PCA3: variants seen among roughly 807,000 people sequenced by gnomAD.
The protein encoded by PCA3 is prostate cancer associated 3, also known as Differential Display code 3.
chr9:76,770,787 T>C (rs1031196955), intron 2 of PCA3, among the ~76,000 whole-genome samples: 2 of 152,194 alleles, frequency 1.3e-5, no homozygotes, highest in Admixed American at 1.3e-4. Context: ...TCATTCCAAA[T>C]AGCAAAGGGA....
At chr9:76,764,791 C>A (rs1264869165) in intron 2 of PCA3, among the ~76,000 whole-genome samples, 4 of 152,134 alleles carry the variant, frequency 2.6e-5, no homozygotes, top group African/African-American at 7.2e-5. Context: ...TTGGAGTGAA[C>A]AAGCTATTTG....
At chr9:76,780,081 G>T (rs918696750) in intron 2 of PCA3, among the ~76,000 whole-genome samples, 2 of 152,108 alleles carry the variant, frequency 1.3e-5, no homozygotes, top group African/African-American at 2.4e-5. Context: ...TGTCTTTGTT[G>T]CCTTTTAATT....
At chr9:76,782,139 G>A (rs369636810) in intron 2 of PCA3, among the ~76,000 whole-genome samples, 1 of 152,110 alleles carries the variant, frequency 6.6e-6, no homozygotes, top group Non-Finnish European at 1.5e-5. Flanking sequence ...GCATGAACCC[G>A]GGAGGTGGAG....
At chr9:76,781,105 A>G (rs1246147364) in intron 2 of PCA3, among the ~76,000 whole-genome samples, 3 of 152,212 alleles carry the variant, frequency 2.0e-5, no homozygotes, top group Non-Finnish European at 2.9e-5. Flanking sequence ...TTTTTCTACT[A>G]CATTTTGACT....
At chr9:76,774,607 T>C (rs917241920) in intron 2 of PCA3, among the ~76,000 whole-genome samples, 2 of 151,864 alleles carry the variant, frequency 1.3e-5, no homozygotes, top group Non-Finnish European at 2.9e-5. Flanking sequence ...TACAGGTGTA[T>C]GTCATCATGC....
intron 2 of PCA3, among the ~76,000 whole-genome samples, chr9:76,771,056 A>C (rs1263811528): frequency 6.6e-6 from 1 of 152,176 alleles, no homozygotes; most frequent in East Asian, 1.9e-4. Context: ...AGAAATCGAC[A>C]AAAAATTATC....
intron 2 of PCA3, among the ~76,000 whole-genome samples, chr9:76,774,227 C>G (rs957678437): frequency 6.6e-6 from 1 of 151,960 alleles, no homozygotes; most frequent in African/African-American, 2.4e-5. Context: ...CCTCAACCTC[C>G]TAGGCTCAAG....
At chr9:76,776,494 ATTTTCTTTTTTTTTTTCTTTTTTC>A (rs2053762893) in intron 2 of PCA3, among the ~76,000 whole-genome samples, 1 of 129,588 alleles carries the variant, frequency 7.7e-6, no homozygotes, top group Non-Finnish European at 1.7e-5. Context: ...TTTACACCAC[ATTTTCTTTTTTTTTTTCTTTTTTC>A]TTTTTTTTTT....
intron 2 of PCA3, among the ~76,000 whole-genome samples, chr9:76,781,695 T>G (rs955252440): frequency 4.6e-5 from 7 of 152,244 alleles, no homozygotes; most frequent in Admixed American, 4.6e-4. Flanking sequence ...CTGACTAAAC[T>G]GAAAGCTCCA....
chr9:76,768,775 A>G (rs2052749143), intron 2 of PCA3, among the ~76,000 whole-genome samples: 1 of 152,200 alleles, frequency 6.6e-6, no homozygotes, highest in Non-Finnish European at 1.5e-5. Flanking sequence ...GGAATCTTCT[A>G]TGATTTAATC....
intron 2 of PCA3, among the ~76,000 whole-genome samples, chr9:76,774,457 T>A (rs143668711): frequency 0.028 from 2,039 of 73,518 alleles, 87 homozygotes; most frequent in African/African-American, 0.11. Flanking sequence ...ACCCTTTTTT[T>A]TTTTTTTTTT....
intron 2 of PCA3, among the ~76,000 whole-genome samples, chr9:76,765,040 T>C (rs1156663772): frequency 6.6e-6 from 1 of 152,198 alleles, no homozygotes; most frequent in Non-Finnish European, 1.5e-5. Flanking sequence ...CCATTAGATA[T>C]TTAAATGGAG....
chr9:76,768,583 A>ATGTGTGTGTGTGTGTGTG (rs55793596), intron 2 of PCA3, among the ~76,000 whole-genome samples: 3 of 103,242 alleles, frequency 2.9e-5, no homozygotes, highest in Admixed American at 8.8e-5. Context: ...ATGTATATGT[A>ATGTGTGTGTGTGTGTGTG]TGTGTGTGTG....
chr9:76,768,505 C>T (rs1340762513), intron 2 of PCA3, among the ~76,000 whole-genome samples: 1 of 151,726 alleles, frequency 6.6e-6, no homozygotes, highest in African/African-American at 2.4e-5. Context: ...ATTTCAACAA[C>T]TATCAAGTCT....
chr9:76,770,991 TAAATTTTTGCTACA>T (rs1449821033), intron 2 of PCA3, among the ~76,000 whole-genome samples: 5 of 152,206 alleles, frequency 3.3e-5, no homozygotes, highest in Non-Finnish European at 5.9e-5. Context: ...TAACACTTAC[TAAATTTTTGCTACA>T]AATTACCATA....
intron 2 of PCA3, among the ~76,000 whole-genome samples, chr9:76,772,540 T>C (rs772405636): frequency 2.0e-5 from 3 of 152,120 alleles, no homozygotes; most frequent in East Asian, 1.9e-4. Context: ...CAAGGTTAAC[T>C]GCAACTTGTG....
At chr9:76,770,437 T>G (rs1416338011) in intron 2 of PCA3, among the ~76,000 whole-genome samples, 1 of 152,166 alleles carries the variant, frequency 6.6e-6, no homozygotes, top group African/African-American at 2.4e-5. Context: ...TTAAAATATG[T>G]TAATGGCTTT....
At chr9:76,786,233 T>TG (rs2054963403) in intron 2 of PCA3, 1 of 152,164 alleles carries the variant, frequency 6.6e-6, no homozygotes, top group Admixed American at 6.5e-5. Flanking sequence ...TTTGTGTTCA[T>TG]GGATAGTCCA....
chr9:76,776,901 C>CAT (rs1294929081), intron 2 of PCA3, among the ~76,000 whole-genome samples: 2 of 71,472 alleles, frequency 2.8e-5, no homozygotes, highest in Non-Finnish European at 5.4e-5. Context: ...CATACACACA[C>CAT]ACACACACAC....
Sources: allele counts gnomAD v4.1 joint callset (sites outside exome capture counted in the v4.1 genomes callset), GRCh38; gene constraint gnomAD v4.1.1; transcripts MANE v1.5; gene names NCBI Gene and HGNC (gene_info 2026-07-23, HGNC 2026-07-21).